The following MBNL1 variants were observed in gnomAD, a reference collection of about 807,000 sequenced individuals.
MBNL1 encodes the protein muscleblind-like protein 1.
In MBNL1, 8 loss-of-function variants were observed where a neutral mutation model predicts 42.2. That is an observed-to-expected ratio of 0.19 (90% CI 0.11 to 0.34). MBNL1 has a LOEUF of 0.34. Ranked by LOEUF, MBNL1 falls within the 10% of genes least tolerant of loss-of-function variation. The pLI is 1.00. For missense variants in MBNL1, 309 were observed against 495.3 expected (o/e 0.62, Z 3.57); for synonymous variants, 169 against 173.9 (o/e 0.97, Z 0.22).
intron 2 of MBNL1, among the ~76,000 whole-genome samples, chr3:152,303,180 C>T (rs1410153697): frequency 6.6e-6 from 1 of 151,760 alleles, no homozygotes; most frequent in South Asian, 2.1e-4. Flanking sequence ...TTAAATATAC[C>T]GTATGTAAAT....
chr3:152,425,565 G>A (rs1387940469), intron 3 of MBNL1, among the ~76,000 whole-genome samples: 2 of 151,302 alleles, frequency 1.3e-5, no homozygotes, highest in Non-Finnish European at 2.9e-5. Context: ...CCGAGATCAC[G>A]CCACTGCACT....
intron 2 of MBNL1, among the ~76,000 whole-genome samples, chr3:152,333,723 G>A (rs1341300971): frequency 6.6e-6 from 1 of 151,896 alleles, no homozygotes; most frequent in Non-Finnish European, 1.5e-5. Context: ...GGAATTTCAG[G>A]GCACACAATG....
At chr3:152,425,989 C>G (rs1256605062) in intron 3 of MBNL1, among the ~76,000 whole-genome samples, 1 of 152,170 alleles carries the variant, frequency 6.6e-6, no homozygotes, top group Non-Finnish European at 1.5e-5. Context: ...AAATGTGGCA[C>G]ATATACACCA....
chr3:152,276,142 C>T (rs2045042162), intron 1 of MBNL1, among the ~76,000 whole-genome samples: 1 of 152,098 alleles, frequency 6.6e-6, no homozygotes, highest in Non-Finnish European at 1.5e-5. Flanking sequence ...TGAGGCTTGT[C>T]ATTTTTATTA....
intron 5 of MBNL1, chr3:152,446,872 A>G (rs1251132831): frequency 1.2e-6 from 1 of 857,576 alleles, no homozygotes; most frequent in African/African-American, 1.7e-5. Flanking sequence ...GTTGTAAAGT[A>G]CAATGAAAAA....
At chr3:152,366,968 A>T (rs1013452722) in intron 2 of MBNL1, among the ~76,000 whole-genome samples, 1 of 152,162 alleles carries the variant, frequency 6.6e-6, no homozygotes, top group East Asian at 1.9e-4. Flanking sequence ...GTGATTGAGG[A>T]TGTATTATAT....
chr3:152,400,246 G>A (rs1229900555), intron 2 of MBNL1, among the ~76,000 whole-genome samples: 1 of 152,176 alleles, frequency 6.6e-6, no homozygotes, highest in Non-Finnish European at 1.5e-5. Context: ...AACAGCAGCA[G>A]TCCTGTTGAG....
intron 2 of MBNL1, among the ~76,000 whole-genome samples, chr3:152,316,824 C>G (rs1411649213): frequency 6.6e-6 from 1 of 152,092 alleles, no homozygotes; most frequent in Admixed American, 6.5e-5. Flanking sequence ...ATAGAGCTGG[C>G]TTTGCCTTCT....
At chr3:152,447,918 T>C in intron 6 of MBNL1, 145 bp downstream of exon 6, 1 of 584,246 alleles carries the variant, frequency 1.7e-6, no homozygotes, top group East Asian at 2.9e-5. Flanking sequence ...TTATCTGAGG[T>C]ATCTCATGTG....
chr3:152,351,079 C>CTT (rs35508184), intron 2 of MBNL1, among the ~76,000 whole-genome samples: 1 of 149,840 alleles, frequency 6.7e-6, no homozygotes. Flanking sequence ...ATGTATCAGA[C>CTT]TTTTTTTTTT....
intron 1 of MBNL1, among the ~76,000 whole-genome samples, chr3:152,275,535 C>G (rs1243138095): frequency 1.3e-5 from 2 of 151,676 alleles, no homozygotes; most frequent in Non-Finnish European, 2.9e-5. Flanking sequence ...ATGGTGAAAC[C>G]CCGTCTCTAC....
At chr3:152,326,824 CAG>C (rs1024573267) in intron 2 of MBNL1, among the ~76,000 whole-genome samples, 5 of 92,626 alleles carry the variant, frequency 5.4e-5, no homozygotes, top group Non-Finnish European at 1.2e-4. Flanking sequence ...TTTATTGAGA[CAG>C]AGTTTCACTA....
chr3:152,456,409 C>A (rs1253736875), intron 8 of MBNL1, 48 bp downstream of exon 8: 2 of 1,444,490 alleles, frequency 1.4e-6, no homozygotes, highest in East Asian at 2.3e-5. Flanking sequence ...TCTAATAGGG[C>A]TCAATCCAAC....
intron 6 of MBNL1, among the ~76,000 whole-genome samples, chr3:152,452,387 TAC>T (rs1233855152): frequency 6.6e-6 from 1 of 152,218 alleles, no homozygotes; most frequent in Non-Finnish European, 1.5e-5. Flanking sequence ...AATCCAGGAC[TAC>T]ATGCCCCAGC....
intron 1 of MBNL1, among the ~76,000 whole-genome samples, chr3:152,293,745 C>G (rs2057257364): frequency 6.6e-6 from 1 of 152,124 alleles, no homozygotes; most frequent in South Asian, 2.1e-4. Flanking sequence ...TACCAGCTAA[C>G]TACTCTGGGA....
chr3:152,437,897 C>T (rs1323364523), intron 4 of MBNL1, among the ~76,000 whole-genome samples: 3 of 152,068 alleles, frequency 2.0e-5, no homozygotes, highest in African/African-American at 7.2e-5. Context: ...CCTCAGCCTC[C>T]TGAGTAGCTG....
intron 4 of MBNL1, among the ~76,000 whole-genome samples, chr3:152,436,265 T>C (rs765194924): frequency 1.3e-5 from 2 of 152,212 alleles, no homozygotes; most frequent in African/African-American, 2.4e-5. Flanking sequence ...GCAGGTTTAA[T>C]GCTCAAAACA....
chr3:152,373,160 G>C (rs2096745990), intron 2 of MBNL1, among the ~76,000 whole-genome samples: 1 of 152,110 alleles, frequency 6.6e-6, no homozygotes, highest in South Asian at 2.1e-4. Context: ...CACCAAGCTT[G>C]AGAGTCCCAG....
At chr3:152,377,204 A>C (rs1204995091) in intron 2 of MBNL1, among the ~76,000 whole-genome samples, 2 of 152,208 alleles carry the variant, frequency 1.3e-5, no homozygotes, top group African/African-American at 2.4e-5. Context: ...TACTACATTT[A>C]ATAGAATTAT....
Sources: allele counts gnomAD v4.1 joint callset (sites outside exome capture counted in the v4.1 genomes callset), GRCh38; gene constraint gnomAD v4.1.1; transcripts MANE v1.5; gene names NCBI Gene and HGNC (gene_info 2026-07-23, HGNC 2026-07-21).